RALGPS1: variants seen among roughly 807,000 people sequenced by gnomAD.
RALGPS1 encodes the protein Ral GEF with PH domain and SH3 binding motif 1, also known as ras-specific guanine nucleotide-releasing factor RalGPS1.
In RALGPS1, 19 loss-of-function variants were observed where a neutral mutation model predicts 78.8. The observed-to-expected ratio is 0.24, with a 90% CI of 0.17 to 0.35. The LOEUF (loss-of-function observed/expected upper bound fraction) is 0.35, where lower values mean the gene tolerates loss of function less well. RALGPS1 is among the 10% of genes least tolerant of loss of function. The probability of loss-of-function intolerance (pLI) is 1.00; values close to 1 mark genes in which losing one functional copy is unlikely to be tolerated. For missense variants in RALGPS1, 454 were observed against 688.3 expected, an observed-to-expected ratio of 0.66 and a Z score of 3.81; for synonymous variants, 228 against 256.3, an observed-to-expected ratio of 0.89 and a Z score of 1.06.
intron 1 of RALGPS1, among the ~76,000 whole-genome samples, chr9:126,951,818 A>G (rs2037848793): frequency 6.6e-6 from 1 of 152,224 alleles, no homozygotes; most frequent in Non-Finnish European, 1.5e-5. Flanking sequence ...AGTTCTGGCC[A>G]GGGCAATTAG....
chr9:127,186,034 G>T (rs933325223), intron 11 of RALGPS1, among the ~76,000 whole-genome samples: 3 of 152,206 alleles, frequency 2.0e-5, no homozygotes, highest in African/African-American at 7.2e-5. Context: ...CAGATCCTGA[G>T]TCTTTGGCAT....
chr9:127,139,051 C>G (rs919322267), intron 8 of RALGPS1, among the ~76,000 whole-genome samples: 2 of 152,172 alleles, frequency 1.3e-5, no homozygotes, highest in African/African-American at 4.8e-5. Context: ...AATTTGGCCC[C>G]TGCACCTCAG....
rs528832722 is a variant in RALGPS1 at position 127,212,674 on chromosome 9, C to T, written c.1401C>T (p.Leu467=). 66 of 1,613,820 alleles carry T rather than the reference C, an allele frequency of 4.1e-5. 3 individuals are homozygous for T. The South Asian group carries it at 6.5e-4, about 16-fold the overall frequency. The change falls in exon 16 of 19, where the codon CTC becomes CTT. Residue 467 remains leucine (L), a synonymous_variant. Transcript: ENST00000259351. This position sits in a 1 kb window ranked among gnomAD's most constrained non-coding sequence, Gnocchi z 6.0. ...RYWVILSGST[L]LYYGAKSLRG... ...GGGTCATACTCTCAGGATCCACCCT[C>T]CTGTACTACGGAGCCAAGTCCTTGC...
At chr9:126,962,751 A>G (rs1478385160) in intron 2 of RALGPS1, among the ~76,000 whole-genome samples, 1 of 152,242 alleles carries the variant, frequency 6.6e-6, no homozygotes, top group Admixed American at 6.5e-5. Context: ...GGAAATGGTT[A>G]TAAGGACTGG....
chr9:126,933,938 C>T (rs966335904), intron 1 of RALGPS1, among the ~76,000 whole-genome samples: 2 of 152,126 alleles, frequency 1.3e-5, no homozygotes, highest in African/African-American at 4.8e-5. Context: ...CTGGGTGGTG[C>T]GCGAGGCCTT....
At chr9:127,033,440 A>T (rs888068845) in intron 4 of RALGPS1, among the ~76,000 whole-genome samples, 1 of 151,794 alleles carries the variant, frequency 6.6e-6, no homozygotes, top group Non-Finnish European at 1.5e-5. Flanking sequence ...CTCCTAGGAG[A>T]CCCCTGATCT....
chr9:126,949,208 A>G (rs977930086), intron 1 of RALGPS1, among the ~76,000 whole-genome samples: 11 of 152,300 alleles, frequency 7.2e-5, no homozygotes, highest in South Asian at 2.1e-4. Context: ...AATCCAGTCT[A>G]TCATTGTTGG....
intron 8 of RALGPS1, among the ~76,000 whole-genome samples, chr9:127,136,223 AGG>A (rs900017459): frequency 3.9e-5 from 6 of 152,322 alleles, no homozygotes; most frequent in African/African-American, 1.2e-4. Flanking sequence ...AGTGGCAGGA[AGG>A]GGCAGAAGCA....
chr9:127,098,776 A>G (rs902076197), intron 8 of RALGPS1, among the ~76,000 whole-genome samples: 1 of 152,120 alleles, frequency 6.6e-6, no homozygotes, highest in Non-Finnish European at 1.5e-5. Flanking sequence ...GCTACTCCCA[A>G]CACAGGGCCT....
intron 4 of RALGPS1, among the ~76,000 whole-genome samples, chr9:127,029,377 G>C (rs1374075995): frequency 6.6e-6 from 1 of 152,178 alleles, no homozygotes; most frequent in Non-Finnish European, 1.5e-5. Context: ...GTGTGTAATT[G>C]TCCCACCAGT....
chr9:127,067,707 C>T (rs930415379), intron 7 of RALGPS1, among the ~76,000 whole-genome samples: 1 of 152,234 alleles, frequency 6.6e-6, no homozygotes, highest in Non-Finnish European at 1.5e-5. Flanking sequence ...GCCAAAGGGA[C>T]TCCAACCCTG....
chr9:127,170,856 G>A (rs1297339003), intron 10 of RALGPS1, among the ~76,000 whole-genome samples: 1 of 152,218 alleles, frequency 6.6e-6, no homozygotes, highest in East Asian at 1.9e-4. Context: ...CAGGGAGGAG[G>A]CCTGCATTCT....
At chr9:127,053,212 G>A (rs1015133542) in intron 7 of RALGPS1, among the ~76,000 whole-genome samples, 3 of 152,164 alleles carry the variant, frequency 2.0e-5, no homozygotes, top group African/African-American at 7.2e-5. Flanking sequence ...TGATGACCGG[G>A]TCAGCGGCAT....
chr9:127,005,423 A>G (rs1290053177), intron 4 of RALGPS1, among the ~76,000 whole-genome samples: 5 of 152,208 alleles, frequency 3.3e-5, no homozygotes, highest in African/African-American at 9.6e-5. Flanking sequence ...TGTAGCTTTC[A>G]TGAAACAAGA....
intron 1 of RALGPS1, among the ~76,000 whole-genome samples, chr9:126,945,811 T>C (rs191826827): frequency 6.6e-6 from 1 of 152,350 alleles, no homozygotes; most frequent in East Asian, 1.9e-4. Flanking sequence ...TGCTTTCTGC[T>C]TCTGTGTGAT....
At chr9:127,199,149 G>T (rs1034691809) in intron 14 of RALGPS1, 83 bp downstream of exon 14, 3 of 1,304,296 alleles carry the variant, frequency 2.3e-6, no homozygotes, top group African/African-American at 1.5e-5. Flanking sequence ...GGGCAGGGAC[G>T]GGCCCTGCCC....
intron 11 of RALGPS1, chr9:127,178,383 C>T (rs371445130): frequency 1.2e-6 from 1 of 830,528 alleles, no homozygotes. Flanking sequence ...TGCCAAGCCT[C>T]AGTGTCTCTA....
At chr9:127,170,622 A>G (rs1256899133) in intron 10 of RALGPS1, among the ~76,000 whole-genome samples, 1 of 152,206 alleles carries the variant, frequency 6.6e-6, no homozygotes, top group Non-Finnish European at 1.5e-5. Flanking sequence ...AATATTTTCC[A>G]TTTATGCACC....
At chr9:126,932,090 A>G (rs555157335) in intron 1 of RALGPS1, among the ~76,000 whole-genome samples, 1 of 152,220 alleles carries the variant, frequency 6.6e-6, no homozygotes, top group African/African-American at 2.4e-5. Context: ...ACCATAGCAT[A>G]TTTGAAGATC....
Sources: allele counts gnomAD v4.1 joint callset (sites outside exome capture counted in the v4.1 genomes callset), GRCh38; gene constraint gnomAD v4.1.1; non-coding constraint Gnocchi (gnomAD v3.1); transcripts MANE v1.5; gene names NCBI Gene and HGNC (gene_info 2026-07-23, HGNC 2026-07-21).